The following GLB1L2 variants were observed in gnomAD, a reference collection of about 807,000 sequenced individuals.
GLB1L2 encodes galactosidase beta 1 like 2.
A neutral mutation model predicts 84.1 loss-of-function variants in GLB1L2; 68 were observed. That is an observed-to-expected ratio of 0.81 (90% CI 0.67 to 0.99). GLB1L2 has a LOEUF of 0.99. Ranked by LOEUF, GLB1L2 falls within the 50% of genes least tolerant of loss-of-function variation. The pLI is 0.00. For missense variants in GLB1L2, 762 were observed against 805.6 expected, an observed-to-expected ratio of 0.95 and a Z score of 0.66; for synonymous variants, 290 against 318.0, an observed-to-expected ratio of 0.91 and a Z score of 0.94.
intron 1 of GLB1L2, among the ~76,000 whole-genome samples, 180 bp from the exon 2 acceptor site, chr11:134,342,574 G>A (rs937134010): frequency 1.3e-5 from 2 of 152,218 alleles, no homozygotes; most frequent in Admixed American, 6.5e-5. Flanking sequence ...CCCTGCCGCG[G>A]GGCCCCGTGC....
At chr11:134,366,924 T>C (rs1392328328) in intron 8 of GLB1L2, 1 of 347,842 alleles carries the variant, frequency 2.9e-6, no homozygotes, top group Non-Finnish European at 5.4e-6. Flanking sequence ...ACATCCCCCT[T>C]CCCTGGAAGA....
rs1944006400 is a variant in GLB1L2 at position 134,374,965 on chromosome 11, T to C, written c.1825-7T>C. On this transcript the variant is annotated splice_polypyrimidine_tract_variant and splice_region_variant and intron_variant, in intron 18 of 18. Coordinates refer to ENST00000535456, the MANE Select transcript of GLB1L2 (RefSeq NM_001370461.1). ...GCTGCCCTCCCAGCCGGGCCCTCTC[T>C]CCACAGGTCATCGTTTTTGAGGAGA... The C allele has an allele frequency of 7.4e-6, 12 of 1,612,180 alleles. No individual in the cohort carries two copies. Among genetic ancestry groups the C allele is most frequent in the South Asian group, 1.1e-5 (1 of 90,612 alleles).
chr11:134,364,486 A>AGCTCCCT, intron 8 of GLB1L2, 88 bp downstream of exon 8: 2 of 1,067,642 alleles, frequency 1.9e-6, no homozygotes, highest in Non-Finnish European at 2.8e-6. Flanking sequence ...CAGCTTCCCC[A>AGCTCCCT]GCGCAGGGAG....
intron 1 of GLB1L2, among the ~76,000 whole-genome samples, chr11:134,341,729 C>G (rs992722093): frequency 6.6e-6 from 1 of 152,174 alleles, no homozygotes; most frequent in African/African-American, 2.4e-5. Flanking sequence ...ACAAAATTCC[C>G]AAGAGGCTGG....
chr11:134,362,303 C>A (rs991027089), intron 7 of GLB1L2, among the ~76,000 whole-genome samples: 1 of 150,112 alleles, frequency 6.7e-6, no homozygotes, highest in Non-Finnish European at 1.5e-5. Context: ...TTTACAAAAG[C>A]GCTGCCCGCG....
At chr11:134,332,299 T>C in intron 1 of GLB1L2, 152 bp downstream of exon 1, 1 of 551,562 alleles carries the variant, frequency 1.8e-6, no homozygotes, top group Non-Finnish European at 3.2e-6. Flanking sequence ...TACCCCCGAG[T>C]TCCCCTGCGG....
Position 134,342,727 on chromosome 11 carries a change from G to A in GLB1L2, c.87-27G>A, listed in dbSNP as rs764783482. ...ATCTCTCTGCGGCCCGGAGCCTCCA[G>A]GCTCCAGAATGTCTTTGTCTTTCCA... is the stretch of plus-strand genomic sequence containing the variant. On this transcript the variant is annotated intron_variant, in intron 1 of 18. Transcript: ENST00000535456. 10 of 1,605,688 alleles carry A rather than the reference G, an allele frequency of 6.2e-6. No individual in the cohort carries two copies. The Admixed American group carries it at 1.0e-4, about 16-fold the overall frequency.
At chr11:134,332,978 T>A (rs1943326785) in intron 1 of GLB1L2, among the ~76,000 whole-genome samples, 2 of 152,222 alleles carry the variant, frequency 1.3e-5, no homozygotes, top group Non-Finnish European at 2.9e-5. Context: ...TCGAATGAAC[T>A]GAACGGTTGG....
Position 134,370,284 on chromosome 11 carries a change from G to A in GLB1L2, c.1109-9G>A. On this transcript the variant is annotated splice_polypyrimidine_tract_variant and intron_variant, in intron 11 of 18. Coordinates refer to ENST00000535456, the MANE Select transcript of GLB1L2 (RefSeq NM_001370461.1). This position sits in a 1 kb window ranked among gnomAD's most constrained non-coding sequence, Gnocchi z 4.7. ...TCCGTTGGGGGTGACCCTGTTTTCTGTGTTGCAGGCATCCCTCTCCCTCCC... is the reference window on the plus strand; with the variant it reads ...TCCGTTGGGGGTGACCCTGTTTTCTATGTTGCAGGCATCCCTCTCCCTCCC... 1 of 1,611,880 alleles carries A rather than the reference G, an allele frequency of 6.2e-7. No individual in the cohort carries two copies. Among genetic ancestry groups the A allele is most frequent in the Non-Finnish European group, 8.5e-7 (1 of 1,178,046 alleles).
chr11:134,374,494 C>T, intron 17 of GLB1L2, 108 bp from the exon 18 acceptor site: 1 of 890,656 alleles, frequency 1.1e-6, no homozygotes, highest in Non-Finnish European at 1.9e-6. Flanking sequence ...GCTGTCCAGA[C>T]ACAGCTCGCT....
chr11:134,347,683 T>C (rs1565436045), intron 5 of GLB1L2, among the ~76,000 whole-genome samples: 1 of 152,198 alleles, frequency 6.6e-6, no homozygotes, highest in Non-Finnish European at 1.5e-5. Flanking sequence ...CATTGCCACA[T>C]ACAGCACTGG....
chr11:134,365,629 T>G (rs1943858860), intron 8 of GLB1L2, among the ~76,000 whole-genome samples: 2 of 152,200 alleles, frequency 1.3e-5, no homozygotes. Flanking sequence ...CAGAATGCCT[T>G]ATGTTTAGCC....
At chr11:134,351,793 G>C (rs1257767889) in intron 5 of GLB1L2, among the ~76,000 whole-genome samples, 1 of 152,114 alleles carries the variant, frequency 6.6e-6, no homozygotes, top group Non-Finnish European at 1.5e-5. Context: ...CATCAGGACT[G>C]TTAGTCCGTG....
chr11:134,342,704 C>T, intron 1 of GLB1L2, 50 bp from the exon 2 acceptor site: 1 of 1,556,970 alleles, frequency 6.4e-7, no homozygotes, highest in African/African-American at 1.4e-5. Context: ...GGAAGCCGAT[C>T]TCTCTGCGGC....
intron 10 of GLB1L2, 60 bp from the exon 11 acceptor site, chr11:134,369,745 C>T (rs1001211161): frequency 1.4e-5 from 20 of 1,456,544 alleles, no homozygotes; most frequent in South Asian, 3.7e-5. Flanking sequence ...CCCTGTTCTT[C>T]GTGCTACATG....
At position 134,375,141 on chromosome 11, in the gene GLB1L2, C is replaced by A; in HGVS notation, c.*83C>A. ...AAGCCTGGTGGCTGCTGCCCCACCCCTCACTGCAAAAGCATCTCCTTAAGT... is the reference window on the plus strand; with the variant it reads ...AAGCCTGGTGGCTGCTGCCCCACCCATCACTGCAAAAGCATCTCCTTAAGT... On this transcript the variant is annotated 3_prime_UTR_variant, in exon 19 of 19. Coordinates refer to ENST00000535456, the MANE Select transcript of GLB1L2 (RefSeq NM_001370461.1). 1 of 1,063,296 alleles carries A rather than the reference C, an allele frequency of 9.4e-7. No homozygotes were observed. The highest frequency in any genetic ancestry group is 1.6e-5 in the African/African-American group (1 of 63,674). 65.9% of individuals were successfully genotyped at this position (1,063,296 alleles called of 1,614,324 possible).
At chr11:134,356,960 G>GTTT (rs546093564) in intron 6 of GLB1L2, among the ~76,000 whole-genome samples, 1 of 152,166 alleles carries the variant, frequency 6.6e-6, no homozygotes, top group East Asian at 1.9e-4. Flanking sequence ...AATGCCTCGA[G>GTTT]TTTTTTCTAA....
chr11:134,373,425 CAGAG>C (rs1356099987), intron 15 of GLB1L2, among the ~76,000 whole-genome samples: 1 of 152,346 alleles, frequency 6.6e-6, no homozygotes, highest in Admixed American at 6.5e-5. Context: ...GAACTTCCTT[CAGAG>C]AGAGGCCAGA....
chr11:134,335,955 A>G (rs1462609022), intron 1 of GLB1L2, among the ~76,000 whole-genome samples: 2 of 152,086 alleles, frequency 1.3e-5, no homozygotes, highest in Non-Finnish European at 2.9e-5. Context: ...ATGTTGGGAT[A>G]TTTGCTGCTT....
Sources: gnomAD v4.1 joint callset for allele counts (sites outside exome capture counted in the v4.1 genomes callset) on GRCh38, gnomAD v4.1.1 for gene constraint, Gnocchi (gnomAD v3.1) non-coding constraint, MANE v1.5 for transcripts, NCBI Gene and HGNC (gene_info 2026-07-23, HGNC 2026-07-21) for gene names.